The following MSN variants were observed in gnomAD, a reference collection of about 807,000 sequenced individuals.
MSN encodes the protein epididymis luminal protein 70.
A neutral mutation model predicts 48.0 loss-of-function variants in MSN; 2 were observed. The observed-to-expected ratio is 0.04, with a 90% CI of 0.02 to 0.13. The LOEUF (loss-of-function observed/expected upper bound fraction) is 0.13. Ranked by LOEUF, MSN falls within the 10% of genes least tolerant of loss-of-function variation. MSN has a pLI of 1.00. For missense variants in MSN, 267 were observed against 470.1 expected (o/e 0.57, Z 3.99); for synonymous variants, 146 against 166.9 (o/e 0.87, Z 0.97).
At chrX:65,706,381 C>G (rs1354131635) in intron 1 of MSN, among the ~76,000 whole-genome samples, 2 of 111,665 alleles carry the variant, frequency 1.8e-5, no homozygotes, top group Non-Finnish European at 3.8e-5. Flanking sequence ...TAGGGCACAT[C>G]CTTCTTCTGG....
intron 1 of MSN, among the ~76,000 whole-genome samples, chrX:65,673,708 G>T (rs1273037902): frequency 8.9e-6 from 1 of 112,008 alleles, no homozygotes; most frequent in Non-Finnish European, 1.9e-5. Context: ...TTAGCTGGTT[G>T]TTCTGGATGG....
intron 1 of MSN, among the ~76,000 whole-genome samples, chrX:65,686,694 G>C (rs2071118564): frequency 8.9e-6 from 1 of 111,992 alleles, no homozygotes; most frequent in African/African-American, 3.2e-5. Flanking sequence ...ACCTCCCTGA[G>C]CCTCCACTTC....
chrX:65,637,696 C>CT (rs113201256), intron 1 of MSN, among the ~76,000 whole-genome samples: 37 of 106,449 alleles, frequency 3.5e-4, no homozygotes, highest in East Asian at 1.5e-3. Context: ...CTATTTATTT[C>CT]TTTTTTTTTT....
At chrX:65,718,597 T>A (rs1045840915) in intron 2 of MSN, among the ~76,000 whole-genome samples, 22 of 110,785 alleles carry the variant, frequency 2.0e-4, no homozygotes, top group African/African-American at 7.3e-4. Flanking sequence ...ATGGGAGGAT[T>A]GCTTGAGCCC....
chrX:65,724,319 T>C (rs889250126), intron 2 of MSN, among the ~76,000 whole-genome samples: 7 of 111,283 alleles, frequency 6.3e-5, no homozygotes, highest in African/African-American at 2.3e-4. Context: ...TAATTTTCTA[T>C]TTTTAGTAGA....
chrX:65,623,368 C>CTTTTT (rs773663630), intron 1 of MSN, among the ~76,000 whole-genome samples: 7 of 74,076 alleles, frequency 9.4e-5, no homozygotes, highest in East Asian at 4.3e-4. Context: ...TCTTTCTTTT[C>CTTTTT]TTTTTTTTTT....
In MSN at chrX:65,629,056, C is replaced by T. The variant is rs764393400; in HGVS notation, c.-22+40444C>T. On this transcript the variant is annotated intron_variant, in intron 1 of 3. Coordinates refer to the MSN transcript ENST00000609672. ...CTGCACTCCAGCCTGGGCAATAGAG[C>T]GAGACTCCATCTCAAAAAAAAAAAA... is the stretch of plus-strand genomic sequence containing the variant. Among the ~76,000 whole-genome samples the T allele has an allele frequency of 1.8e-4, 19 of 103,165 alleles. No individual in the cohort carries two copies. The South Asian group carries it at 6.8e-3, about 37-fold the overall frequency. The allele number at this position is 103,165 out of a possible 115,157, so 89.6% of individuals were successfully genotyped here. A position where few individuals can be genotyped will look rare whatever the true frequency, so the allele number is the denominator to read the frequency against.
Position 65,652,370 on chromosome X carries a change from A to G in MSN, c.-22+63758A>G, listed in dbSNP as rs973629955. ...ACAAGTTTTTGGGAGATGAGAAGAT[A>G]ATGCAAGCCACAATCCTTGCCTTTA... On this transcript the variant is annotated intron_variant, in intron 1 of 3. Transcript: ENST00000609672. 2.6e-4 allele frequency among the ~76,000 whole-genome samples: 29 copies of G among 111,776 alleles called. 1 individual carries two copies. In the South Asian group the frequency reaches 4.5e-3, roughly 17 times the overall value.
At chrX:65,617,414 T>A (rs1231472906) in intron 1 of MSN, among the ~76,000 whole-genome samples, 1 of 106,601 alleles carries the variant, frequency 9.4e-6, no homozygotes, top group Non-Finnish European at 1.9e-5. Context: ...GAGATTCAAC[T>A]TCTTCCTGGT....
At chrX:65,701,207 A>G (rs982103660) in intron 1 of MSN, among the ~76,000 whole-genome samples, 2 of 111,943 alleles carry the variant, frequency 1.8e-5, no homozygotes, top group Admixed American at 9.5e-5. Context: ...TGTGATCATC[A>G]TGCTTTGGCT....
chrX:65,695,188 G>T (rs1439266711), intron 1 of MSN, among the ~76,000 whole-genome samples: 1 of 109,907 alleles, frequency 9.1e-6, no homozygotes, highest in African/African-American at 3.3e-5. Context: ...AGGTAGGCAG[G>T]TTATCCATGT....
intron 1 of MSN, among the ~76,000 whole-genome samples, chrX:65,616,293 G>C (rs1322477478): frequency 9.9e-6 from 1 of 101,305 alleles, no homozygotes; most frequent in African/African-American, 3.6e-5. Context: ...AAATTACCTT[G>C]GGCAGTATGG....
chrX:65,703,063 T>C (rs1027199397), intron 1 of MSN, among the ~76,000 whole-genome samples: 2 of 111,970 alleles, frequency 1.8e-5, no homozygotes, highest in Admixed American at 9.5e-5. Context: ...TCCTTTATGC[T>C]AGAAGGGCTC....
chrX:65,725,569 A>G (rs759227893), intron 2 of MSN, among the ~76,000 whole-genome samples: 4 of 111,542 alleles, frequency 3.6e-5, no homozygotes, highest in Non-Finnish European at 7.5e-5. Flanking sequence ...ATGATATACA[A>G]GGTGCTTTAA....
At chrX:65,699,285 T>C (rs1008787747) in intron 1 of MSN, among the ~76,000 whole-genome samples, 5 of 111,761 alleles carry the variant, frequency 4.5e-5, no homozygotes, top group African/African-American at 1.6e-4. Flanking sequence ...AGACCCAATC[T>C]CTGAACCACC....
At chrX:65,615,761 T>C (rs762933571) in intron 1 of MSN, among the ~76,000 whole-genome samples, 1 of 111,243 alleles carries the variant, frequency 9.0e-6, no homozygotes, top group East Asian at 2.8e-4. Flanking sequence ...TTTGGTGTTT[T>C]AGACATGAAG....
chrX:65,666,451 C>T (rs766741417), upstream of MSN, among the ~76,000 whole-genome samples: 30 of 110,120 alleles, frequency 2.7e-4, no homozygotes, highest in East Asian at 1.7e-3. Context: ...CTCAGCCTCC[C>T]GAGTAGCTCG....
chrX:65,632,741 T>C (rs950888751), intron 1 of MSN, among the ~76,000 whole-genome samples: 1 of 111,970 alleles, frequency 8.9e-6, no homozygotes, highest in Non-Finnish European at 1.9e-5. Flanking sequence ...GTATAAAGTG[T>C]CTGGCACAGC....
At chrX:65,675,595 C>T (rs2070989790) in intron 1 of MSN, among the ~76,000 whole-genome samples, 1 of 110,869 alleles carries the variant, frequency 9.0e-6, no homozygotes, top group Non-Finnish European at 1.9e-5. Context: ...CAAACAAGGG[C>T]CTGTGGGGGA....
Sources: gnomAD v4.1 joint callset for allele counts (sites outside exome capture counted in the v4.1 genomes callset) on GRCh38, gnomAD v4.1.1 for gene constraint, MANE v1.5 for transcripts, NCBI Gene and HGNC (gene_info 2026-07-23, HGNC 2026-07-21) for gene names.